LRRC4C: variants seen among roughly 807,000 people sequenced by gnomAD.
LRRC4C encodes the protein leucine rich repeat containing 4C.
LRRC4C carries 5 observed loss-of-function variants against 33.6 expected under a neutral mutation model. The ratio of observed to expected loss-of-function variants is 0.15; its 90% CI spans 0.08 to 0.31. LRRC4C has a LOEUF of 0.31. Ranked by LOEUF, LRRC4C falls within the 10% of genes least tolerant of loss-of-function variation. LRRC4C has a pLI of 1.00. For missense variants in LRRC4C, 560 were observed against 796.7 expected (o/e 0.70, Z 3.58); for synonymous variants, 329 against 302.0 (o/e 1.09, Z -0.93).
chr11:40,615,253 TATATATATATATACACAC>T (rs1565561881), intron 3 of LRRC4C, among the ~76,000 whole-genome samples: 4 of 93,094 alleles, frequency 4.3e-5, no homozygotes, highest in Non-Finnish European at 5.1e-5. Context: ...TATATATATA[TATATATATATATACACAC>T]ACACACACAT....
intron 1 of LRRC4C, among the ~76,000 whole-genome samples, chr11:41,165,690 A>G (rs1944689509): frequency 6.6e-6 from 1 of 152,132 alleles, no homozygotes; most frequent in African/African-American, 2.4e-5. Flanking sequence ...ACCCAGCACA[A>G]TTCAGCTCAA....
chr11:40,272,637 G>A (rs916629388), intron 4 of LRRC4C, among the ~76,000 whole-genome samples: 4 of 151,974 alleles, frequency 2.6e-5, no homozygotes, highest in Non-Finnish European at 4.4e-5. Flanking sequence ...AAAAATTGCC[G>A]CAAAGTCTGT....
chr11:41,154,604 T>C (rs1393237811), intron 1 of LRRC4C, among the ~76,000 whole-genome samples: 2 of 152,160 alleles, frequency 1.3e-5, no homozygotes, highest in African/African-American at 2.4e-5. Context: ...ATAAAATGCA[T>C]ACTTTCTTCT....
chr11:40,423,489 C>A (rs1046207001), intron 3 of LRRC4C, among the ~76,000 whole-genome samples: 1 of 151,798 alleles, frequency 6.6e-6, no homozygotes, highest in Non-Finnish European at 1.5e-5. Context: ...GGACTACAGG[C>A]GCCCGCTACC....
intron 5 of LRRC4C, among the ~76,000 whole-genome samples, chr11:40,219,139 C>T (rs372847664): frequency 6.6e-6 from 1 of 152,242 alleles, no homozygotes; most frequent in South Asian, 2.1e-4. Flanking sequence ...GCCACTAGCC[C>T]CATGTGGCTA....
chr11:41,230,906 C>CA (rs200070136), intron 1 of LRRC4C, among the ~76,000 whole-genome samples: 56,438 of 104,392 alleles, frequency 0.54, 14,289 homozygotes, highest in South Asian at 0.67. Flanking sequence ...AACAAATTTA[C>CA]AAAAAAAAAA....
At chr11:40,297,785 A>G (rs1944586233) in intron 4 of LRRC4C, among the ~76,000 whole-genome samples, 3 of 152,190 alleles carry the variant, frequency 2.0e-5, no homozygotes, top group Non-Finnish European at 4.4e-5. Flanking sequence ...CCTTCCAACA[A>G]TCTTATGAAG....
At chr11:40,599,698 G>C (rs1263750727) in intron 3 of LRRC4C, among the ~76,000 whole-genome samples, 1 of 152,170 alleles carries the variant, frequency 6.6e-6, no homozygotes, top group Non-Finnish European at 1.5e-5. Flanking sequence ...CATGTAGTAA[G>C]TATCCAATAA....
intron 4 of LRRC4C, among the ~76,000 whole-genome samples, chr11:40,307,436 C>G (rs1314546377): frequency 6.6e-6 from 1 of 152,172 alleles, no homozygotes; most frequent in African/African-American, 2.4e-5. Context: ...AACACTCTCC[C>G]ACCCAGCTTC....
chr11:40,832,405 G>A (rs1013740536), intron 2 of LRRC4C, among the ~76,000 whole-genome samples: 8 of 152,066 alleles, frequency 5.3e-5, no homozygotes, highest in Non-Finnish European at 8.8e-5. Flanking sequence ...CAAATGTAAA[G>A]ATACATTTTA....
chr11:40,579,151 A>C (rs1286136784), intron 3 of LRRC4C, among the ~76,000 whole-genome samples: 1 of 152,180 alleles, frequency 6.6e-6, no homozygotes, highest in East Asian at 1.9e-4. Context: ...AGCCTGGACA[A>C]CATGGTAAAA....
At chr11:41,039,343 G>C (rs184006350) in intron 1 of LRRC4C, among the ~76,000 whole-genome samples, 34 of 152,082 alleles carry the variant, frequency 2.2e-4, no homozygotes, top group African/African-American at 8.0e-4. Context: ...CCTTTTTTGT[G>C]TACAAAGTAT....
At chr11:40,880,985 A>G (rs557800276) in intron 2 of LRRC4C, among the ~76,000 whole-genome samples, 66 of 152,040 alleles carry the variant, frequency 4.3e-4, no homozygotes, top group Non-Finnish European at 9.1e-4. Context: ...TCCTTGCCCA[A>G]GGGCCAGAGA....
chr11:41,437,193 C>T (rs1445254540), intron 1 of LRRC4C, among the ~76,000 whole-genome samples: 1 of 152,176 alleles, frequency 6.6e-6, no homozygotes, highest in Non-Finnish European at 1.5e-5. Flanking sequence ...CCTACTTCAG[C>T]TTCCTGAATT....
At chr11:40,315,219 G>GA (rs1174147267) in intron 4 of LRRC4C, among the ~76,000 whole-genome samples, 2 of 151,630 alleles carry the variant, frequency 1.3e-5, no homozygotes, top group South Asian at 2.1e-4. Flanking sequence ...AGGAAAAAAT[G>GA]AAAAAATTAA....
At chr11:41,123,894 C>T (rs1018645663) in intron 1 of LRRC4C, among the ~76,000 whole-genome samples, 1 of 152,182 alleles carries the variant, frequency 6.6e-6, no homozygotes, top group African/African-American at 2.4e-5. Flanking sequence ...TCACTTCACA[C>T]TGTGTACTCA....
At chr11:40,403,587 T>C (rs1014005915) in intron 3 of LRRC4C, among the ~76,000 whole-genome samples, 31 of 152,134 alleles carry the variant, frequency 2.0e-4, no homozygotes, top group African/African-American at 6.0e-4. Context: ...CAGTGACAAA[T>C]TGTGGAATCA....
rs959679549 is a variant in LRRC4C, at chr11:41,130,960, G to T, written c.-495-197237C>A. ...GAAGAGAAAAATCTTTTTTTTGCAG[G>T]TATATTTCTTTGCCTATATGATTTC... On this transcript the variant is annotated intron_variant, in intron 1 of 6. Coordinates refer to ENST00000528697, the MANE Select transcript of LRRC4C (RefSeq NM_001258419.2). Among the ~76,000 whole-genome samples, 5 of 151,760 alleles carry T rather than the reference G, an allele frequency of 3.3e-5. No homozygotes were observed. The Admixed American group carries it at 3.3e-4, about 10-fold the overall frequency.
chr11:40,441,891 C>T (rs897628624), intron 3 of LRRC4C, among the ~76,000 whole-genome samples: 6 of 152,030 alleles, frequency 3.9e-5, no homozygotes, highest in South Asian at 2.1e-4. Context: ...GGCTGGGCAC[C>T]GTGGCTCACG....
Sources: allele counts gnomAD v4.1 joint callset (sites outside exome capture counted in the v4.1 genomes callset), GRCh38; gene constraint gnomAD v4.1.1; transcripts MANE v1.5; gene names NCBI Gene and HGNC (gene_info 2026-07-23, HGNC 2026-07-21).